THSD7B: variants seen among roughly 807,000 people sequenced by gnomAD.
THSD7B encodes the protein thrombospondin type-1 domain-containing protein 7B.
In THSD7B, 138 loss-of-function variants were observed where a neutral mutation model predicts 213.6. The ratio of observed to expected loss-of-function variants is 0.65; its 90% CI spans 0.56 to 0.74. THSD7B has a LOEUF of 0.74. Ranked by LOEUF, THSD7B falls within the 30% of genes least tolerant of loss-of-function variation. THSD7B has a pLI of 0.00. For missense variants in THSD7B, 1,931 were observed against 1,991.5 expected, an observed-to-expected ratio of 0.97 and a Z score of 0.58; for synonymous variants, 742 against 687.0, an observed-to-expected ratio of 1.08 and a Z score of -1.25.
chr2:137,500,623 A>G (rs1240106572), intron 15 of THSD7B, among the ~76,000 whole-genome samples: 1 of 152,240 alleles, frequency 6.6e-6, no homozygotes, highest in Non-Finnish European at 1.5e-5. Context: ...TATCTTTTAA[A>G]TCGTAAAATG....
intron 20 of THSD7B, 179 bp from the exon 21 acceptor site, chr2:137,642,309 C>A: frequency 1.5e-6 from 1 of 653,634 alleles, no homozygotes. Context: ...TTGTGAAAAC[C>A]TAGATAGCCT....
chr2:137,467,272 C>T (rs1405463368), intron 15 of THSD7B, among the ~76,000 whole-genome samples: 3 of 152,164 alleles, frequency 2.0e-5, no homozygotes, highest in Non-Finnish European at 4.4e-5. Context: ...ACCCTAGGCT[C>T]TGTGGGGTGG....
intron 10 of THSD7B, among the ~76,000 whole-genome samples, chr2:137,271,390 ATGAAT>A (rs1298562923): frequency 1.9e-4 from 25 of 134,150 alleles, no homozygotes; most frequent in East Asian, 1.2e-3. Flanking sequence ...TATATATATT[ATGAAT>A]TATATATATA....
chr2:136,775,599 T>C (rs1047921439), intron 1 of THSD7B, among the ~76,000 whole-genome samples: 1 of 152,124 alleles, frequency 6.6e-6, no homozygotes, highest in Non-Finnish European at 1.5e-5. Context: ...AGTATGCATA[T>C]GGGAGGTGGG....
intron 10 of THSD7B, among the ~76,000 whole-genome samples, chr2:137,271,669 T>C (rs1196001064): frequency 6.6e-6 from 1 of 151,808 alleles, no homozygotes; most frequent in Non-Finnish European, 1.5e-5. Context: ...CACTGCAATG[T>C]CTTCTAACTA....
At chr2:137,590,564 A>G (rs1681841383) in intron 17 of THSD7B, among the ~76,000 whole-genome samples, 1 of 152,102 alleles carries the variant, frequency 6.6e-6, no homozygotes, top group Non-Finnish European at 1.5e-5. Context: ...TGGTATTTTG[A>G]AAGTCTTTTA....
chr2:136,974,948 A>G (rs991977202), intron 2 of THSD7B, among the ~76,000 whole-genome samples: 7 of 151,734 alleles, frequency 4.6e-5, no homozygotes, highest in African/African-American at 1.7e-4. Context: ...CTCTAAGGTC[A>G]GTGATGTTGA....
At chr2:137,315,823 C>A (rs1684085853) in intron 12 of THSD7B, among the ~76,000 whole-genome samples, 1 of 152,182 alleles carries the variant, frequency 6.6e-6, no homozygotes, top group African/African-American at 2.4e-5. Flanking sequence ...TGTAATTTCT[C>A]ATGTTAGAAT....
chr2:136,961,088 CAAAA>C (rs57328048), intron 2 of THSD7B, among the ~76,000 whole-genome samples: 4 of 39,078 alleles, frequency 1.0e-4, no homozygotes, highest in Admixed American at 5.1e-4. Context: ...GACTCCGTCT[CAAAA>C]AAAAAAAAAA....
At chr2:137,331,729 G>T (rs1049458978) in intron 12 of THSD7B, among the ~76,000 whole-genome samples, 1 of 152,188 alleles carries the variant, frequency 6.6e-6, no homozygotes, top group Non-Finnish European at 1.5e-5. Flanking sequence ...GGCATGGCGG[G>T]CTGCAGGTCC....
intron 3 of THSD7B, among the ~76,000 whole-genome samples, chr2:137,078,994 A>G (rs114569374): frequency 0.035 from 5,309 of 152,158 alleles, 131 homozygotes; most frequent in South Asian, 0.064. Flanking sequence ...TTGAGAATCT[A>G]CTGATGTTTT....
At chr2:136,864,740 G>C (rs778137578) in intron 1 of THSD7B, among the ~76,000 whole-genome samples, 1 of 152,130 alleles carries the variant, frequency 6.6e-6, no homozygotes, top group Non-Finnish European at 1.5e-5. Flanking sequence ...TTTTAGTAGA[G>C]ATGGGGTTTC....
At chr2:136,782,140 T>G (rs964015698) in intron 1 of THSD7B, among the ~76,000 whole-genome samples, 3 of 152,336 alleles carry the variant, frequency 2.0e-5, no homozygotes, top group African/African-American at 7.2e-5. Context: ...AGATCTGAAA[T>G]GTACTTGTGG....
intron 15 of THSD7B, among the ~76,000 whole-genome samples, chr2:137,494,677 T>G (rs1445725155): frequency 6.6e-6 from 1 of 152,204 alleles, no homozygotes; most frequent in Admixed American, 6.5e-5. Context: ...ACCTTACATC[T>G]ACTTTTAACT....
At chr2:137,448,836 C>CAACAACAACAAAAAA (rs765115799) in intron 14 of THSD7B, among the ~76,000 whole-genome samples, 4 of 147,476 alleles carry the variant, frequency 2.7e-5, no homozygotes, top group African/African-American at 1.0e-4. Flanking sequence ...ACAACAACAA[C>CAACAACAACAAAAAA]AAAAACTACC....
chr2:137,345,623 A>G (rs981722338), intron 12 of THSD7B, among the ~76,000 whole-genome samples: 4 of 151,598 alleles, frequency 2.6e-5, no homozygotes, highest in Admixed American at 6.6e-5. Context: ...ATGAATTAAT[A>G]TGGTATTAAA....
chr2:137,567,764 A>G (rs548148284), intron 16 of THSD7B, among the ~76,000 whole-genome samples: 65 of 152,186 alleles, frequency 4.3e-4, no homozygotes, highest in Non-Finnish European at 8.8e-4. Context: ...CAGGTTTGAG[A>G]TAAAAATCAA....
chr2:137,145,106 C>G (rs185201741), intron 5 of THSD7B, among the ~76,000 whole-genome samples: 41 of 152,166 alleles, frequency 2.7e-4, no homozygotes, highest in Middle Eastern at 3.4e-3. Context: ...AGACATAAAG[C>G]CTCCTTAGGT....
chr2:137,394,671 T>C (rs1686127835), intron 12 of THSD7B, among the ~76,000 whole-genome samples: 1 of 138,992 alleles, frequency 7.2e-6, no homozygotes, highest in Admixed American at 7.1e-5. Context: ...ATATGAACTT[T>C]AAAATAGTTT....
Sources: allele counts gnomAD v4.1 joint callset (sites outside exome capture counted in the v4.1 genomes callset), GRCh38; gene constraint gnomAD v4.1.1; transcripts MANE v1.5; gene names NCBI Gene and HGNC (gene_info 2026-07-23, HGNC 2026-07-21).